AHRR: variants seen among roughly 807,000 people sequenced by gnomAD.
AHRR encodes ahR repressor.
Under a neutral mutation model 44.0 loss-of-function variants are expected in AHRR, and 28 were observed. That is an observed-to-expected ratio of 0.64 (90% CI 0.47 to 0.87). AHRR has a LOEUF of 0.87. Among genes scored for constraint, AHRR ranks in the 40% least tolerant of loss-of-function variants. The pLI, the probability that AHRR is intolerant of heterozygous loss-of-function variation, is 0.00. For synonymous variants in AHRR, 434 were observed against 407.0 expected (o/e 1.07, Z -0.80); for missense variants, 990 against 953.9 (o/e 1.04, Z -0.50).
intron 4 of AHRR, among the ~76,000 whole-genome samples, chr5:400,110 G>A (rs983280070): frequency 6.6e-6 from 1 of 152,196 alleles, no homozygotes; most frequent in Non-Finnish European, 1.5e-5. Flanking sequence ...CGGCTCTCAG[G>A]GGAGCACAAT....
intron 7 of AHRR, among the ~76,000 whole-genome samples, chr5:427,439 A>AG (rs56239117): frequency 1 from 152,334 of 152,338 alleles, 76,165 homozygotes; most frequent in Middle Eastern, 1. Context: ...AATTCTTGCC[A>AG]GGGGTTTGCC....
chr5:433,049 G>C (rs2126550940), intron 10 of AHRR, 102 bp downstream of exon 10: 163 of 1,330,292 alleles, frequency 1.2e-4, no homozygotes, highest in East Asian at 1.9e-4. Context: ...AAATAAAAAA[G>C]ACGACAGCAG....
At chr5:322,602 G>A (rs962159145) in intron 1 of AHRR, 6 of 152,054 alleles carry the variant, frequency 3.9e-5, no homozygotes, top group Admixed American at 1.3e-4. Flanking sequence ...CCACCCCCAC[G>A]GGGCCTCACA....
intron 3 of AHRR, among the ~76,000 whole-genome samples, chr5:355,958 A>G (rs1743024563): frequency 6.6e-6 from 1 of 152,246 alleles, no homozygotes; most frequent in Non-Finnish European, 1.5e-5. Flanking sequence ...ATTTCCACGT[A>G]TAATTAGAAA....
intron 7 of AHRR, chr5:427,508 A>T (rs1438953658): frequency 1.7e-5 from 19 of 1,131,146 alleles, no homozygotes; most frequent in African/African-American, 1.5e-5. Context: ...CCACCTGCGC[A>T]TGGGGTGGCA....
chr5:363,188 T>TC (rs1175727233), intron 3 of AHRR, among the ~76,000 whole-genome samples: 3 of 152,196 alleles, frequency 2.0e-5, no homozygotes, highest in Admixed American at 6.5e-5. Context: ...AGCTATGGCT[T>TC]CCAACCCTCC....
intron 2 of AHRR, among the ~76,000 whole-genome samples, chr5:344,970 CTG>C (rs1180452532): frequency 6.3e-5 from 1 of 15,758 alleles, no homozygotes; most frequent in African/African-American, 3.1e-4. Context: ...AGGTTGGGGG[CTG>C]TGTGGGGTGT....
intron 4 of AHRR, among the ~76,000 whole-genome samples, chr5:397,154 G>A (rs1734753023): frequency 8.7e-6 from 1 of 115,270 alleles, no homozygotes; most frequent in Non-Finnish European, 1.8e-5. Flanking sequence ...GTTAGCCCCT[G>A]ACCATCCACG....
At chr5:373,069 C>T (rs946294847) in intron 3 of AHRR, among the ~76,000 whole-genome samples, 1 of 152,246 alleles carries the variant, frequency 6.6e-6, no homozygotes, top group African/African-American at 2.4e-5. Context: ...TTGCAGTGAA[C>T]TCTGCAGCCG....
rs1423879822 is a variant in AHRR at position 326,951 on chromosome 5, C to T, written c.-11+5132C>T. 1.3e-5 allele frequency among the ~76,000 whole-genome samples: 2 copies of T among 152,042 alleles called. No homozygotes were observed. Among genetic ancestry groups the T allele is most frequent in the South Asian group, 2.1e-4 (1 of 4,818 alleles). Reference sequence around the variant, plus strand: ...GCACGCGCCTGTAGTCCCAGCTACTCAGGAGGCTGAGGCAGGAGAATCTCT... The same window carrying T: ...GCACGCGCCTGTAGTCCCAGCTACTTAGGAGGCTGAGGCAGGAGAATCTCT... On this transcript the variant is annotated intron_variant, in intron 1 of 10. Coordinates refer to ENST00000684583, the MANE Select transcript of AHRR (RefSeq NM_001377236.1). This position sits in a 1 kb window ranked among gnomAD's most constrained non-coding sequence, Gnocchi z 4.1.
At chr5:359,634 C>T (rs1273594437) in intron 3 of AHRR, among the ~76,000 whole-genome samples, 2 of 152,240 alleles carry the variant, frequency 1.3e-5, no homozygotes, top group Non-Finnish European at 2.9e-5. Flanking sequence ...TCACTCATCA[C>T]CCGCAGCAGC....
rs1196595731 is a variant in AHRR, at chr5:388,753, G to A, written c.351+12037G>A. On this transcript the variant is annotated intron_variant, in intron 4 of 10. Coordinates refer to ENST00000684583, the MANE Select transcript of AHRR (RefSeq NM_001377236.1). The surrounding 1 kb of genome is among the most constrained non-coding windows in gnomAD (Gnocchi z 5.2). Reference sequence around the variant, plus strand: ...CCTCTGGGCCCTGAAGAGCATCTCGGGGGACTTCAGTTTCAAACCTCAAAG... The same window carrying A: ...CCTCTGGGCCCTGAAGAGCATCTCGAGGGACTTCAGTTTCAAACCTCAAAG... Among the ~76,000 whole-genome samples the A allele has an allele frequency of 2.6e-5, 4 of 152,154 alleles. No homozygotes were observed. Among genetic ancestry groups the A allele is most frequent in the African/African-American group, 9.7e-5 (4 of 41,426 alleles).
intron 4 of AHRR, among the ~76,000 whole-genome samples, chr5:399,793 G>C (rs1734933420): frequency 1.3e-5 from 2 of 152,212 alleles, no homozygotes; most frequent in Non-Finnish European, 2.9e-5. Context: ...TGCTCTTCTA[G>C]GGCCCCGGGG....
At chr5:354,171 G>C (rs1742961948) in intron 3 of AHRR, among the ~76,000 whole-genome samples, 1 of 152,176 alleles carries the variant, frequency 6.6e-6, no homozygotes. Flanking sequence ...CAGTTTGCTG[G>C]GATGGGCCAG....
rs562253075 is a variant in AHRR, at chr5:422,743, C to G, written c.456C>G (p.His152Gln). The G allele has an allele frequency of 3.1e-6, 5 of 1,614,118 alleles. No individual in the cohort carries two copies. Among genetic ancestry groups the G allele is most frequent in the Non-Finnish European group, 3.4e-6 (4 of 1,180,028 alleles). Residue 152 changes from histidine to glutamine, a missense_variant, in exon 6 of 11, where the codon CAC becomes CAG. Coordinates refer to ENST00000684583, the MANE Select transcript of AHRR (RefSeq NM_001377236.1). ...CGCTATTTCAGACGGATGTAATGCA[C>G]CAGAACATTTATGACTACATCCACG... ...YLGFHQTDVM[H>Q]QNIYDYIHVD...
chr5:409,401 G>A (rs988844558), intron 4 of AHRR, among the ~76,000 whole-genome samples: 17 of 152,150 alleles, frequency 1.1e-4, no homozygotes, highest in African/African-American at 3.1e-4. Context: ...TATGTGGAAC[G>A]GCAGGACAGT....
intron 4 of AHRR, among the ~76,000 whole-genome samples, chr5:410,932 C>T (rs2672744): frequency 0.36 from 54,483 of 151,664 alleles, 10,566 homozygotes; most frequent in African/African-American, 0.48. Context: ...TTGACTATCA[C>T]TTTTAGTATT....
intron 5 of AHRR, among the ~76,000 whole-genome samples, chr5:417,293 T>C (rs1735870819): frequency 6.8e-6 from 1 of 147,932 alleles, no homozygotes; most frequent in Non-Finnish European, 1.5e-5. Context: ...GCTTGGTCCA[T>C]ATGTGCAGGT....
chr5:399,600 C>T (rs551924924), intron 4 of AHRR, among the ~76,000 whole-genome samples: 2 of 152,280 alleles, frequency 1.3e-5, no homozygotes, highest in East Asian at 1.9e-4. Flanking sequence ...TCCCATCTTT[C>T]GCAGGAGGAA....
Sources: gnomAD v4.1 joint callset for allele counts (sites outside exome capture counted in the v4.1 genomes callset) on GRCh38, gnomAD v4.1.1 for gene constraint, Gnocchi (gnomAD v3.1) non-coding constraint, MANE v1.5 for transcripts, NCBI Gene and HGNC (gene_info 2026-07-23, HGNC 2026-07-21) for gene names.